Variants in FAT3 observed in about 807,000 individuals in gnomAD.
FAT3 encodes protocadherin Fat 3.
Under a neutral mutation model 310.2 loss-of-function variants are expected in FAT3, and 95 were observed. The ratio of observed to expected loss-of-function variants is 0.31; its 90% CI spans 0.26 to 0.36. The LOEUF (loss-of-function observed/expected upper bound fraction) is 0.36. FAT3 is among the 10% of genes least tolerant of loss of function. FAT3 has a pLI of 1.00. For missense variants in FAT3, 5,408 were observed against 5,715.6 expected, an observed-to-expected ratio of 0.95 and a Z score of 1.74; for synonymous variants, 2,314 against 2,192.9, an observed-to-expected ratio of 1.06 and a Z score of -1.54.
chr11:92,306,735 T>TTA (rs573092831), intron 1 of FAT3, among the ~76,000 whole-genome samples: 16,397 of 122,938 alleles, frequency 0.13, 1,187 homozygotes, highest in East Asian at 0.2. Context: ...ATATATATAT[T>TTA]TATATATAAA....
At chr11:92,707,147 G>A (rs571473754) in intron 4 of FAT3, among the ~76,000 whole-genome samples, 4 of 152,318 alleles carry the variant, frequency 2.6e-5, no homozygotes, top group East Asian at 1.9e-4. Context: ...GAAAGGTTGT[G>A]TTTATTTTGT....
chr11:92,808,711 G>A lies in FAT3; in HGVS notation c.9248-1132G>A, dbSNP rs548060417. 1.9e-3 allele frequency among the ~76,000 whole-genome samples: 284 copies of A among 152,208 alleles called. 1 individual carries two copies. Among genetic ancestry groups the A allele is most frequent in the African/African-American group, 6.7e-3 (278 of 41,538 alleles). The stretch of plus-strand genomic sequence containing the variant: ...GAGGCCGAGGTGGGTGGATCACAAA[G>A]TCAGGAGATCAAGACCATCCTGGTT... On this transcript the variant is annotated intron_variant, in intron 12 of 27. Coordinates refer to ENST00000525166, the MANE Select transcript of FAT3 (RefSeq NM_001367949.2).
chr11:92,809,860 G>T lies in FAT3; in HGVS notation c.9265G>T (p.Ala3089Ser), dbSNP rs1947619792. The change falls in exon 13 of 28, where the codon GCT becomes TCT. Residue 3089 changes from alanine (A) to serine (S), a missense_variant. By Grantham distance (99) the Ala-to-Ser change is moderately conservative. Coordinates refer to ENST00000525166, the MANE Select transcript of FAT3 (RefSeq NM_001367949.2). ...DPESGELKTL[A>S]LLDRERIPVY... The stretch of plus-strand genomic sequence containing the variant: ...TTTCACAGGCGAGTTAAAAACCTTG[G>T]CTCTGTTGGACCGGGAGAGGATCCC... 6.2e-7 allele frequency: 1 copy of T among 1,613,228 alleles called. No individual in the cohort carries two copies. Among genetic ancestry groups the T allele is most frequent in the Non-Finnish European group, 8.5e-7 (1 of 1,179,440 alleles).
chr11:92,415,585 T>G (rs1417527418), intron 2 of FAT3, among the ~76,000 whole-genome samples: 1 of 152,174 alleles, frequency 6.6e-6, no homozygotes, highest in African/African-American at 2.4e-5. Flanking sequence ...GGCTGTGGTT[T>G]AAGAAGACAC....
chr11:92,759,798 G>T (rs529777434), intron 4 of FAT3, among the ~76,000 whole-genome samples: 3 of 152,078 alleles, frequency 2.0e-5, no homozygotes, highest in Non-Finnish European at 4.4e-5. Context: ...AGTGAGCAGC[G>T]AACTGTTGCC....
chr11:92,867,310 A>T, intron 22 of FAT3, 101 bp downstream of exon 22: 1 of 1,222,784 alleles, frequency 8.2e-7, no homozygotes, highest in South Asian at 1.6e-5. Context: ...ACTCTACTAG[A>T]GAGGAGTATT....
rs544786821 is a variant in FAT3, at chr11:92,847,393, A to G, written c.11365+2661A>G. ...GCCTGGGTGCATAGTAGGCTGTGCTATCTAGGTTTGTGTAAGCGCACTCTA... is the reference window on the plus strand; with the variant it reads ...GCCTGGGTGCATAGTAGGCTGTGCTGTCTAGGTTTGTGTAAGCGCACTCTA... On this transcript the variant is annotated intron_variant, in intron 19 of 27. Coordinates refer to ENST00000525166, the MANE Select transcript of FAT3 (RefSeq NM_001367949.2). Among the ~76,000 whole-genome samples, 109 of 152,298 alleles carry G rather than the reference A, an allele frequency of 7.2e-4. 2 individuals are homozygous for G. The highest frequency in any genetic ancestry group is 3.4e-4 in the Non-Finnish European group (23 of 68,030).
At chr11:92,430,613 A>G (rs1950743765) in intron 2 of FAT3, among the ~76,000 whole-genome samples, 1 of 151,724 alleles carries the variant, frequency 6.6e-6, no homozygotes, top group African/African-American at 2.4e-5. Context: ...GCACCCATTA[A>G]CTCATCATTT....
intron 21 of FAT3, among the ~76,000 whole-genome samples, chr11:92,861,108 TG>T (rs1949110393): frequency 6.6e-6 from 1 of 152,154 alleles, no homozygotes; most frequent in African/African-American, 2.4e-5. Flanking sequence ...CAGCATGCCT[TG>T]GGTCAGTAGA....
chr11:92,291,433 T>C (rs1402415068), intron 1 of FAT3, among the ~76,000 whole-genome samples: 1 of 152,112 alleles, frequency 6.6e-6, no homozygotes, highest in Non-Finnish European at 1.5e-5. Flanking sequence ...TGGGATGGTA[T>C]CTAATTCATA....
intron 3 of FAT3, among the ~76,000 whole-genome samples, chr11:92,543,045 G>T (rs1954502565): frequency 6.6e-6 from 1 of 152,070 alleles, no homozygotes; most frequent in Non-Finnish European, 1.5e-5. Context: ...GGACCTGGAG[G>T]ATATTATGTT....
rs373372691 is a variant in FAT3 at position 92,570,429 on chromosome 11, G to T, written c.3607+45481G>T. On this transcript the variant is annotated intron_variant, in intron 3 of 27. Transcript: ENST00000525166. ...ATAATCATTAATGATGTCACCTTGAGAAATGTTCATGAAGTTTTGATTATG... is the reference window on the plus strand; with the variant it reads ...ATAATCATTAATGATGTCACCTTGATAAATGTTCATGAAGTTTTGATTATG... Among the ~76,000 whole-genome samples, 4 of 152,272 alleles carry T rather than the reference G, an allele frequency of 2.6e-5. No homozygotes were observed. The East Asian group carries it at 7.7e-4, about 29-fold the overall frequency.
At position 92,801,066 on chromosome 11, in the gene FAT3, A is replaced by G; in HGVS notation, c.8053A>G (p.Ile2685Val). The G allele has an allele frequency of 6.2e-7, 1 of 1,613,900 alleles. No homozygotes were observed. Among genetic ancestry groups the G allele is most frequent in the Admixed American group, 1.7e-5 (1 of 60,002 alleles). The change falls in exon 10 of 28, where the codon ATC becomes GTC. Residue 2685 changes from isoleucine (I) to valine (V), a missense_variant. This residue lies in a region of FAT3 where 4,588 missense variants were observed against 4,809.8 expected (regional missense o/e 0.95). Transcript: ENST00000525166. ...SFFVKAVDGGIPVKHSLIPVY... is the reference protein window; with the variant it reads ...SFFVKAVDGGVPVKHSLIPVY... ...CTTTGTCAAAGCAGTAGATGGGGGC[A>G]TCCCAGTAAAGCACTCCCTCATTCC...
At chr11:92,374,899 GA>G (rs1949300430) in intron 2 of FAT3, among the ~76,000 whole-genome samples, 1 of 151,648 alleles carries the variant, frequency 6.6e-6, no homozygotes, top group African/African-American at 2.4e-5. Context: ...AAATTGAACT[GA>G]AGAGCTGCTG....
chr11:92,783,388 G>A (rs1366676756), intron 7 of FAT3, among the ~76,000 whole-genome samples: 1 of 149,568 alleles, frequency 6.7e-6, no homozygotes, highest in African/African-American at 2.5e-5. Flanking sequence ...AAAGGCAGTG[G>A]CCTATACTTC....
chr11:92,680,085 G>A (rs538131612), intron 3 of FAT3, among the ~76,000 whole-genome samples: 2 of 149,580 alleles, frequency 1.3e-5, no homozygotes, highest in Admixed American at 6.7e-5. Flanking sequence ...TTATTTTGCT[G>A]TGCAGAAATT....
intron 7 of FAT3, among the ~76,000 whole-genome samples, chr11:92,784,009 T>C (rs1414736373): frequency 6.6e-6 from 1 of 152,252 alleles, no homozygotes; most frequent in Non-Finnish European, 1.5e-5. Context: ...ACACATTGTA[T>C]GTATAAATGT....
rs200340621 is a variant in FAT3 at position 92,279,026 on chromosome 11, T to A, written c.-18+53852T>A. On this transcript the variant is annotated intron_variant, in intron 1 of 27. Coordinates refer to ENST00000525166, the MANE Select transcript of FAT3 (RefSeq NM_001367949.2). ...GGAAATGAAAACAGTAACTCTTAAA[T>A]AGGAAATGGCCATACCAAGTGGGTG... 2.0e-5 allele frequency among the ~76,000 whole-genome samples: 3 copies of A among 152,196 alleles called. No homozygotes were observed. In the East Asian group the frequency reaches 5.8e-4, roughly 29 times the overall value.
chr11:92,694,151 T>G (rs1256404147), intron 3 of FAT3, among the ~76,000 whole-genome samples: 1 of 152,248 alleles, frequency 6.6e-6, no homozygotes, highest in African/African-American at 2.4e-5. Flanking sequence ...CACCATAGTC[T>G]GTAATTTTAG....
Sources: allele counts gnomAD v4.1 joint callset (sites outside exome capture counted in the v4.1 genomes callset), GRCh38; gene constraint gnomAD v4.1.1; regional missense constraint gnomAD v4.1.1; transcripts MANE v1.5; gene names NCBI Gene and HGNC (gene_info 2026-07-23, HGNC 2026-07-21).